NEK4: variants seen among roughly 807,000 people sequenced by gnomAD.
The protein encoded by NEK4 is serine/threonine-protein kinase Nek4.
A neutral mutation model predicts 98.4 loss-of-function variants in NEK4; 86 were observed. The observed-to-expected ratio is 0.87, with a 90% CI of 0.73 to 1.05. The LOEUF is 1.05. Ranked by LOEUF, NEK4 falls within the 50% of genes least tolerant of loss-of-function variation. The pLI is 0.00. For synonymous variants in NEK4, 328 were observed against 342.2 expected (o/e 0.96, Z 0.46); for missense variants, 898 against 950.3 (o/e 0.94, Z 0.72).
chr3:52,721,167 G>T (rs1256623511), intron 15 of NEK4, among the ~76,000 whole-genome samples: 1 of 152,184 alleles, frequency 6.6e-6, no homozygotes, highest in Non-Finnish European at 1.5e-5. Flanking sequence ...CTTGCATGCT[G>T]CTTGCAAGAA....
Position 52,766,163 on chromosome 3 carries a change from A to G in NEK4, c.558+15T>C, listed in dbSNP as rs1698548842. The G allele has an allele frequency of 6.2e-7, 1 of 1,610,640 alleles. No individual in the cohort carries two copies. The highest frequency in any genetic ancestry group is 1.1e-5 in the South Asian group (1 of 90,774). On this transcript the variant is annotated intron_variant, in intron 3 of 15. Transcript: ENST00000233027. The stretch of plus-strand genomic sequence containing the variant: ...CCAGAGACAAGGTAAGCCAGCATAC[A>G]GAGCCCAATCCTACCTTATAGTTGT...
intron 8 of NEK4, among the ~76,000 whole-genome samples, chr3:52,748,667 C>T (rs976675822): frequency 6.6e-6 from 1 of 152,182 alleles, no homozygotes; most frequent in Non-Finnish European, 1.5e-5. Context: ...AACTTAATTT[C>T]CCTGAGCCCA....
chr3:52,719,097 G>A (rs1052747415), intron 15 of NEK4, among the ~76,000 whole-genome samples: 1 of 152,124 alleles, frequency 6.6e-6, no homozygotes, highest in Non-Finnish European at 1.5e-5. Context: ...CTCCAAAGGA[G>A]GAGTACTCTT....
chr3:52,745,998 C>A, intron 10 of NEK4, 63 bp downstream of exon 10: 1 of 1,469,400 alleles, frequency 6.8e-7, no homozygotes, highest in South Asian at 1.2e-5. Flanking sequence ...GCTGGGATTA[C>A]ATGCATGATA....
intron 6 of NEK4, among the ~76,000 whole-genome samples, chr3:52,755,147 G>A (rs1578686100): frequency 2.8e-5 from 4 of 143,298 alleles, no homozygotes; most frequent in Middle Eastern, 3.4e-3. Flanking sequence ...AAAGAAGCCA[G>A]AAACAGAAAG....
intron 11 of NEK4, 69 bp from the exon 12 acceptor site, chr3:52,743,530 G>T (rs1462596394): frequency 8.3e-7 from 1 of 1,199,780 alleles, no homozygotes. Flanking sequence ...CTTTGTATTT[G>T]GTATGGAACA....
rs944893621 is a variant in NEK4 at position 52,725,935 on chromosome 3, T to TA, written c.2433+11650dup. Among the ~76,000 whole-genome samples the TA allele has an allele frequency of 2.0e-5, 3 of 152,100 alleles. No homozygotes were observed. In the East Asian group the frequency reaches 5.8e-4, roughly 29 times the overall value. ...AAGATAGAAATTGGCAGAATGGATT[T>TA]AAAAAAACCCAGAATCCACCTATAT... On this transcript the variant is annotated intron_variant, in intron 15 of 15. Transcript: ENST00000233027.
rs1310680040 is a variant in NEK4 at position 52,711,733 on chromosome 3, C to T, written c.*44G>A. 5.4e-6 allele frequency: 7 copies of T among 1,297,182 alleles called. No homozygotes were observed. The highest frequency in any genetic ancestry group is 1.8e-5 in the Admixed American group (1 of 56,998). 80.4% of individuals were successfully genotyped at this position (1,297,182 alleles called of 1,614,324 possible). A position where few individuals can be genotyped will look rare whatever the true frequency, so the allele number is the denominator to read the frequency against. ...CCCTTGCTTTTTAAGCCAAAATCCT[C>T]TAAAAATAGGTCTTTAATTCTGGCA... is the stretch of plus-strand genomic sequence containing the variant. On this transcript the variant is annotated 3_prime_UTR_variant, in exon 16 of 16. Transcript: ENST00000233027.
chr3:52,751,949 G>T lies in NEK4; in HGVS notation c.1351C>A (p.Gln451Lys), dbSNP rs2097405887. Residue 451 changes from glutamine to lysine, a missense_variant, in exon 7 of 16, where the codon CAA becomes AAA. By Grantham distance (53) the Gln-to-Lys change is moderately conservative. Coordinates refer to ENST00000233027, the MANE Select transcript of NEK4 (RefSeq NM_003157.6). ...VKPLQPLIKE[Q>K]KPKDQSLALS... Reference sequence around the variant, plus strand: ...TCACTCACCTGGTCCTTTGGCTTTTGTTCTTTGATTAGGGGCTGCAGAGGC... The same window carrying T: ...TCACTCACCTGGTCCTTTGGCTTTTTTTCTTTGATTAGGGGCTGCAGAGGC... 6.2e-7 allele frequency: 1 copy of T among 1,613,364 alleles called. No individual in the cohort carries two copies. Among genetic ancestry groups the T allele is most frequent in the Non-Finnish European group, 8.5e-7 (1 of 1,179,842 alleles).
intron 15 of NEK4, among the ~76,000 whole-genome samples, chr3:52,713,272 T>C (rs1023075466): frequency 6.6e-6 from 1 of 152,104 alleles, no homozygotes; most frequent in African/African-American, 2.4e-5. Context: ...CAAAAATGTA[T>C]AACCTAAATC....
At position 52,710,906 on chromosome 3, in the gene NEK4, C is replaced by T. The variant is rs2097349755; in HGVS notation, c.*871G>A. 1 of 152,426 alleles carries T rather than the reference C, an allele frequency of 6.6e-6. No individual in the cohort carries two copies. The highest frequency in any genetic ancestry group is 1.5e-5 in the Non-Finnish European group (1 of 68,016). The allele number at this position is 152,426 out of a possible 1,614,324, so 9.4% of individuals were successfully genotyped here. A position where few individuals can be genotyped will look rare whatever the true frequency, so the allele number is the denominator to read the frequency against. ...ATGGGTATTACCTCTTATTAAACAA[C>T]TAATAAAATATGTGCTATATAATCA... On this transcript the variant is annotated 3_prime_UTR_variant, in exon 16 of 16. Coordinates refer to ENST00000233027, the MANE Select transcript of NEK4 (RefSeq NM_003157.6).
At chr3:52,762,563 T>C (rs1300407361) in intron 5 of NEK4, among the ~76,000 whole-genome samples, 1 of 152,176 alleles carries the variant, frequency 6.6e-6, no homozygotes, top group African/African-American at 2.4e-5. Context: ...ACTGGGAGAA[T>C]ATGCCACGCC....
At chr3:52,725,851 A>G (rs572874282) in intron 15 of NEK4, among the ~76,000 whole-genome samples, 98 of 152,282 alleles carry the variant, frequency 6.4e-4, no homozygotes, top group African/African-American at 2.3e-3. Flanking sequence ...AATTAGTAAA[A>G]TAACATAAGT....
rs1019411477 is a variant in NEK4, at chr3:52,768,533, C to T, written c.165G>A (p.Gln55=). The T allele has an allele frequency of 1.2e-6, 2 of 1,614,096 alleles. No homozygotes were observed. The highest frequency in any genetic ancestry group is 2.7e-5 in the African/African-American group (2 of 74,930). ...TGGGATGCTTCAACTGAGACAAGAG[C>T]TGGGCTTCCTGTTCAGCAGCTCGCC... ...RERRAAEQEA[Q]LLSQLKHPNI... Residue 55 remains glutamine (Q), a synonymous_variant, in exon 2 of 16, where the codon CAG becomes CAA. Transcript: ENST00000233027.
Position 52,744,350 on chromosome 3 carries a change from T to G in NEK4, c.1828-45A>C, listed in dbSNP as rs534626463. Reference sequence around the variant, plus strand: ...AGTCACTTCCATTCCTACTTGCTATTTTTATAACACCTACAATCCATGATG... The same window carrying G: ...AGTCACTTCCATTCCTACTTGCTATGTTTATAACACCTACAATCCATGATG... On this transcript the variant is annotated intron_variant, in intron 10 of 15. Coordinates refer to ENST00000233027, the MANE Select transcript of NEK4 (RefSeq NM_003157.6). 4.2e-5 allele frequency: 57 copies of G among 1,370,270 alleles called. No homozygotes were observed. The South Asian group carries it at 6.1e-4, about 15-fold the overall frequency. The allele number at this position is 1,370,270 out of a possible 1,614,324, so 84.9% of individuals were successfully genotyped here.
intron 15 of NEK4, among the ~76,000 whole-genome samples, chr3:52,713,911 T>A (rs768136194): frequency 6.6e-6 from 1 of 152,018 alleles, no homozygotes; most frequent in Non-Finnish European, 1.5e-5. Context: ...ACATCCAGCA[T>A]GACACCATAA....
chr3:52,751,186 T>G (rs2154105115), intron 7 of NEK4, among the ~76,000 whole-genome samples: 1 of 152,218 alleles, frequency 6.6e-6, no homozygotes, highest in East Asian at 1.9e-4. Flanking sequence ...CCGAGTGCGG[T>G]GGCTCATGCC....
At chr3:52,720,403 TG>T (rs1447199523) in intron 15 of NEK4, among the ~76,000 whole-genome samples, 7 of 152,108 alleles carry the variant, frequency 4.6e-5, no homozygotes, top group Non-Finnish European at 8.8e-5. Context: ...TGAAAAACAT[TG>T]ATCTACATGT....
At chr3:52,730,527 C>T (rs892743794) in intron 15 of NEK4, among the ~76,000 whole-genome samples, 14 of 152,158 alleles carry the variant, frequency 9.2e-5, no homozygotes, top group East Asian at 5.8e-4. Context: ...AACATTCATT[C>T]GAAAATCTTT....
Sources: gnomAD v4.1 joint callset for allele counts (sites outside exome capture counted in the v4.1 genomes callset) on GRCh38, gnomAD v4.1.1 for gene constraint, MANE v1.5 for transcripts, NCBI Gene and HGNC (gene_info 2026-07-23, HGNC 2026-07-21) for gene names.